Variants in VOPP1 observed in about 807,000 individuals in gnomAD.
The protein encoded by VOPP1 is WW domain binding protein VOPP1.
A neutral mutation model predicts 23.5 loss-of-function variants in VOPP1; 8 were observed. The ratio of observed to expected loss-of-function variants is 0.34; its 90% CI spans 0.20 to 0.61. The LOEUF is 0.61. Among genes scored for constraint, VOPP1 ranks in the 20% least tolerant of loss-of-function variants. The pLI is 0.78. For synonymous variants in VOPP1, 83 were observed against 97.3 expected, an observed-to-expected ratio of 0.85 and a Z score of 0.86; for missense variants, 174 against 238.1, an observed-to-expected ratio of 0.73 and a Z score of 1.77.
rs143120708 is a variant in VOPP1 at position 55,532,994 on chromosome 7, G to C, written c.55-11864C>G. Among the ~76,000 whole-genome samples the C allele has an allele frequency of 2.0e-5, 3 of 152,238 alleles. No individual in the cohort carries two copies. The East Asian group carries it at 5.8e-4, about 29-fold the overall frequency. ...GCAAATTTGGGGAGAAAGAGAGTCA[G>C]TTCCACGTGCTGCCCCAAAGCAGCA... On this transcript the variant is annotated intron_variant, in intron 1 of 4. Coordinates refer to ENST00000285279, the MANE Select transcript of VOPP1 (RefSeq NM_030796.5).
chr7:55,530,185 C>A (rs1407760254), intron 1 of VOPP1, among the ~76,000 whole-genome samples: 1 of 152,168 alleles, frequency 6.6e-6, no homozygotes. Flanking sequence ...TTTTCCAAGG[C>A]AGCTGCACTA....
intron 2 of VOPP1, among the ~76,000 whole-genome samples, chr7:55,518,222 G>A (rs1795597757): frequency 6.6e-6 from 1 of 152,234 alleles, no homozygotes; most frequent in African/African-American, 2.4e-5. Context: ...GTAAACAACA[G>A]AGTGGAGGGA....
intron 4 of VOPP1, among the ~76,000 whole-genome samples, chr7:55,450,702 T>G (rs1399743616): frequency 6.6e-6 from 1 of 152,226 alleles, no homozygotes; most frequent in Non-Finnish European, 1.5e-5. Flanking sequence ...ATCTAAAAGC[T>G]TTTCCCCACG....
chr7:55,436,639 T>G (rs530915143), intron 4 of VOPP1, among the ~76,000 whole-genome samples: 2 of 138,962 alleles, frequency 1.4e-5, no homozygotes, highest in Non-Finnish European at 3.3e-5. Context: ...TGCGTGTGTG[T>G]GCGTGCGTGG....
intron 4 of VOPP1, among the ~76,000 whole-genome samples, chr7:55,445,224 CACACAG>C (rs1421375744): frequency 4.8e-5 from 7 of 145,786 alleles, no homozygotes; most frequent in African/African-American, 8.0e-5. Context: ...CAGACACACA[CACACAG>C]ACACACACAC....
chr7:55,526,079 C>T (rs1468911502), intron 1 of VOPP1, among the ~76,000 whole-genome samples: 1 of 152,206 alleles, frequency 6.6e-6, no homozygotes, highest in Non-Finnish European at 1.5e-5. Context: ...GATATTCCCT[C>T]TGTGTGCAGA....
Position 55,472,996 on chromosome 7 carries a change from C to G in VOPP1, c.378G>C (p.Gly126=). ...CCATGGAATTCCCGACAGGGTTCATCCCCGGTCCTCCTGGGTCGGTGTAAT... is the reference window on the plus strand; with the variant it reads ...CCATGGAATTCCCGACAGGGTTCATGCCCGGTCCTCCTGGGTCGGTGTAAT... The part of the protein sequence containing the change: ...PPYYTDPGGP[G]MNPVGNSMAM... The change falls in exon 5 of 5, where the codon GGG becomes GGC. Residue 126 remains glycine (G), a synonymous_variant. Transcript: ENST00000285279. 6.3e-7 allele frequency: 1 copy of G among 1,596,844 alleles called. No homozygotes were observed. The highest frequency in any genetic ancestry group is 8.5e-7 in the Non-Finnish European group (1 of 1,173,330).
intron 4 of VOPP1, among the ~76,000 whole-genome samples, chr7:55,437,344 G>T (rs1364296567): frequency 6.6e-6 from 1 of 152,222 alleles, no homozygotes; most frequent in East Asian, 1.9e-4. Context: ...GTCCTTGTGT[G>T]CCAGAAAGAT....
chr7:55,562,120 A>C, intron 1 of VOPP1: 1 of 700,710 alleles, frequency 1.4e-6, no homozygotes, highest in Non-Finnish European at 2.6e-6. Flanking sequence ...CCTCATTCTA[A>C]TGTACAGCCA....
At chr7:55,485,620 C>CT (rs1793078134) in intron 4 of VOPP1, among the ~76,000 whole-genome samples, 1 of 152,248 alleles carries the variant, frequency 6.6e-6, no homozygotes. Context: ...CCGGGGACAG[C>CT]TGCCTCATAA....
chr7:55,501,998 C>G (rs1053158534), intron 2 of VOPP1, among the ~76,000 whole-genome samples: 1 of 152,202 alleles, frequency 6.6e-6, no homozygotes, highest in Non-Finnish European at 1.5e-5. Flanking sequence ...GGCAGCCATG[C>G]ACTTGATATA....
At chr7:55,476,081 G>C (rs889043712) in intron 4 of VOPP1, among the ~76,000 whole-genome samples, 1 of 152,180 alleles carries the variant, frequency 6.6e-6, no homozygotes, top group Non-Finnish European at 1.5e-5. Flanking sequence ...AGGAGACTGG[G>C]GGCATCACGG....
intron 1 of VOPP1, among the ~76,000 whole-genome samples, chr7:55,545,810 A>C (rs544639349): frequency 6.6e-6 from 1 of 151,982 alleles, no homozygotes; most frequent in Non-Finnish European, 1.5e-5. Context: ...GGGTGCAGTG[A>C]CTCACACCAG....
intron 2 of VOPP1, among the ~76,000 whole-genome samples, chr7:55,510,305 A>G (rs1794989003): frequency 6.6e-6 from 1 of 152,218 alleles, no homozygotes; most frequent in Non-Finnish European, 1.5e-5. Flanking sequence ...CACTTAATCT[A>G]AATGGGTCCA....
chr7:55,477,090 C>T (rs1792314629), intron 4 of VOPP1, among the ~76,000 whole-genome samples: 1 of 152,196 alleles, frequency 6.6e-6, no homozygotes, highest in Non-Finnish European at 1.5e-5. Context: ...TGGCTAATTG[C>T]CATGTATCTT....
chr7:55,552,985 T>C (rs909709418), intron 1 of VOPP1: 4 of 373,112 alleles, frequency 1.1e-5, no homozygotes, highest in Non-Finnish European at 1.8e-5. Context: ...ATCTGTCTGC[T>C]GCACCATTCC....
chr7:55,468,075 CA>C (rs1020676262), downstream of VOPP1, among the ~76,000 whole-genome samples: 4 of 152,028 alleles, frequency 2.6e-5, no homozygotes, highest in African/African-American at 9.7e-5. Context: ...AGATCAAGAC[CA>C]TCCTGGCTAA....
intron 2 of VOPP1, among the ~76,000 whole-genome samples, chr7:55,512,849 T>C (rs758281265): frequency 5.9e-5 from 9 of 152,244 alleles, no homozygotes; most frequent in Non-Finnish European, 1.3e-4. Context: ...AAAGGGCACC[T>C]GCTGGTGAGA....
intron 1 of VOPP1, among the ~76,000 whole-genome samples, chr7:55,539,047 G>T (rs1346033586): frequency 7.0e-6 from 1 of 143,684 alleles, no homozygotes; most frequent in Non-Finnish European, 1.5e-5. Flanking sequence ...AAAAGGGGGG[G>T]GGGGAGGGGC....
Sources: allele counts gnomAD v4.1 joint callset (sites outside exome capture counted in the v4.1 genomes callset), GRCh38; gene constraint gnomAD v4.1.1; transcripts MANE v1.5; gene names NCBI Gene and HGNC (gene_info 2026-07-23, HGNC 2026-07-21).